SCAF4: variants seen among roughly 807,000 people sequenced by gnomAD.
The protein encoded by SCAF4 is SR-related and CTD-associated factor 4.
Under a neutral mutation model 129.8 loss-of-function variants are expected in SCAF4, and 25 were observed. That is an observed-to-expected ratio of 0.19 (90% CI 0.14 to 0.27). SCAF4 has a LOEUF of 0.27. SCAF4 is among the 10% of genes least tolerant of loss of function. The pLI is 1.00. For missense variants in SCAF4, 1,246 were observed against 1,457.1 expected, an observed-to-expected ratio of 0.86 and a Z score of 2.36; for synonymous variants, 551 against 497.7, an observed-to-expected ratio of 1.11 and a Z score of -1.43.
chr21:31,719,219 G>A (rs2051011506), intron 1 of SCAF4, among the ~76,000 whole-genome samples: 1 of 152,076 alleles, frequency 6.6e-6, no homozygotes, highest in African/African-American at 2.4e-5. Flanking sequence ...GAACCCTAGA[G>A]GTGGAGATTG....
rs2098106647 is a variant in SCAF4 at position 31,694,931 on chromosome 21, G to T, written c.1118C>A (p.Thr373Lys). 6.2e-7 allele frequency: 1 copy of T among 1,614,070 alleles called. No individual in the cohort carries two copies. The highest frequency in any genetic ancestry group is 8.5e-7 in the Non-Finnish European group (1 of 1,179,912). Reference sequence around the variant, plus strand: ...CTGAGCCATGGGAGGAAATGGAGGTGTAGGAAGAAGTCCAAATCCTGGCAT... The same window carrying T: ...CTGAGCCATGGGAGGAAATGGAGGTTTAGGAAGAAGTCCAAATCCTGGCAT... Reference protein sequence around the residue: ...GQMPGFGLLPTPPFPPMAQPV... With the variant: ...GQMPGFGLLPKPPFPPMAQPV... The change falls in exon 10 of 20, where the codon ACA becomes AAA. Residue 373 changes from threonine (T) to lysine (K), a missense_variant. Around this residue, in one of 6 missense-constraint regions of SCAF4, gnomAD observed 236 missense variants for 210.0 expected, o/e 1.12. Coordinates refer to ENST00000286835, the MANE Select transcript of SCAF4 (RefSeq NM_020706.2).
chr21:31,672,228 C>T lies in SCAF4; in HGVS notation c.2615G>A (p.Arg872Gln), dbSNP rs1027810598. 12 of 1,610,842 alleles carry T rather than the reference C, an allele frequency of 7.4e-6. 1 individual carries two copies. Among genetic ancestry groups the T allele is most frequent in the African/African-American group, 4.0e-5 (3 of 74,732 alleles). The change falls in exon 20 of 20, where the codon CGG becomes CAG. Residue 872 changes from arginine (R) to glutamine (Q), a missense_variant. Around this residue, in one of 6 missense-constraint regions of SCAF4, gnomAD observed 468 missense variants for 605.5 expected, o/e 0.77. Coordinates refer to ENST00000286835, the MANE Select transcript of SCAF4 (RefSeq NM_020706.2). Reference sequence around the variant, plus strand: ...GGGACGGGGCGGCATCAAAGGGAACCGCTGTAAGTGAGGTGGGGGCATTCC... The same window carrying T: ...GGGACGGGGCGGCATCAAAGGGAACTGCTGTAAGTGAGGTGGGGGCATTCC... ...PPGMPPPHLQ[R>Q]FPLMPPRPMP... is the part of the protein sequence containing the mutation.
In SCAF4 at chr21:31,671,676, T is replaced by C. The variant is rs754014862; in HGVS notation, c.3167A>G (p.His1056Arg). 2.5e-6 allele frequency: 4 copies of C among 1,614,034 alleles called. No individual in the cohort carries two copies. The highest frequency in any genetic ancestry group is 3.4e-6 in the Non-Finnish European group (4 of 1,179,884). The change falls in exon 20 of 20, where the codon CAT (histidine) becomes CGT (arginine). Residue 1056 changes from histidine to arginine, a missense_variant. By Grantham distance (29) the His-to-Arg change is conservative. Around this residue, in one of 6 missense-constraint regions of SCAF4, gnomAD observed 339 missense variants for 325.0 expected, o/e 1.04. Coordinates refer to ENST00000286835, the MANE Select transcript of SCAF4 (RefSeq NM_020706.2). ...TCTAGAATCTCTCTCTCTGTCTCGA[T>C]GCCCACTAGAGCGTCTATTTCTCTC... is the stretch of plus-strand genomic sequence containing the variant. ...LEERNRRSSG[H>R]RDRERDSRDR...
At chr21:31,700,182 TCACACACACA>T (rs71193138) in intron 7 of SCAF4, among the ~76,000 whole-genome samples, 6 of 148,422 alleles carry the variant, frequency 4.0e-5, no homozygotes, top group Non-Finnish European at 7.4e-5. Flanking sequence ...ACACACACAC[TCACACACACA>T]CACACAAATA....
At chr21:31,687,387 C>A (rs577292488) in intron 16 of SCAF4, among the ~76,000 whole-genome samples, 1 of 152,076 alleles carries the variant, frequency 6.6e-6, no homozygotes, top group Non-Finnish European at 1.5e-5. Context: ...GGAATTTGCA[C>A]ATTTACAAAT....
chr21:31,705,705 T>G (rs1042222347), intron 2 of SCAF4, among the ~76,000 whole-genome samples: 1 of 152,096 alleles, frequency 6.6e-6, no homozygotes, highest in African/African-American at 2.4e-5. Context: ...TTTAAATCAA[T>G]AAACCTTCAT....
chr21:31,731,046 T>C (rs1431406020), intron 1 of SCAF4, among the ~76,000 whole-genome samples: 1 of 152,198 alleles, frequency 6.6e-6, no homozygotes, highest in Non-Finnish European at 1.5e-5. Flanking sequence ...GACTTTAAAT[T>C]ATAACGAGCC....
intron 1 of SCAF4, among the ~76,000 whole-genome samples, chr21:31,727,555 G>GTGACAGAGCGGGTCTCCACCTT (rs2051236692): frequency 6.6e-6 from 1 of 152,142 alleles, no homozygotes; most frequent in Admixed American, 6.5e-5. Context: ...AGCACTTTGG[G>GTGACAGAGCGGGTCTCCACCTT]AGGCCAGGAG....
intron 1 of SCAF4, among the ~76,000 whole-genome samples, chr21:31,713,206 G>A (rs1011974941): frequency 1.3e-5 from 2 of 152,182 alleles, no homozygotes; most frequent in African/African-American, 4.8e-5. Flanking sequence ...TCTCTCAAGA[G>A]AAGTATATAA....
At chr21:31,698,455 G>C (rs2050440476) in intron 7 of SCAF4, among the ~76,000 whole-genome samples, 1 of 152,098 alleles carries the variant, frequency 6.6e-6, no homozygotes. Flanking sequence ...CACTGACATA[G>C]AAATGTACAG....
intron 19 of SCAF4, among the ~76,000 whole-genome samples, chr21:31,676,248 C>T (rs1568821451): frequency 6.6e-6 from 1 of 152,164 alleles, no homozygotes; most frequent in Non-Finnish European, 1.5e-5. Context: ...GATGTTTGAT[C>T]ACTAATAAAG....
At chr21:31,707,066 A>AT (rs1023545325) in intron 1 of SCAF4, among the ~76,000 whole-genome samples, 15 of 152,146 alleles carry the variant, frequency 9.9e-5, no homozygotes, top group Admixed American at 2.0e-4. Flanking sequence ...TGTTTACTTT[A>AT]TTTTTTGGTA....
intron 3 of SCAF4, 105 bp from the exon 4 acceptor site, chr21:31,704,031 C>T (rs1452162891): frequency 6.1e-6 from 4 of 654,144 alleles, no homozygotes; most frequent in African/African-American, 1.8e-5. Context: ...CCAATGATTG[C>T]TTTTGTTTAA....
intron 1 of SCAF4, among the ~76,000 whole-genome samples, chr21:31,720,047 T>C (rs966664530): frequency 2.0e-5 from 3 of 152,244 alleles, no homozygotes; most frequent in Non-Finnish European, 4.4e-5. Context: ...GTTTTATCCA[T>C]GCCAGTGCTC....
At chr21:31,718,540 CCAGT>C (rs1291572813) in intron 1 of SCAF4, among the ~76,000 whole-genome samples, 1 of 152,158 alleles carries the variant, frequency 6.6e-6, no homozygotes, top group African/African-American at 2.4e-5. Flanking sequence ...AAGGGATTTG[CCAGT>C]CTCAGCCTCC....
At chr21:31,689,328 T>A (rs1235962497) in intron 15 of SCAF4, among the ~76,000 whole-genome samples, 4 of 151,578 alleles carry the variant, frequency 2.6e-5, no homozygotes, top group Admixed American at 2.6e-4. Context: ...GACAGAGTCT[T>A]GCTCTGTCTC....
chr21:31,712,792 A>G, intron 1 of SCAF4: 1 of 609,292 alleles, frequency 1.6e-6, no homozygotes, highest in Non-Finnish European at 2.1e-6. Flanking sequence ...GGCCTCCCAA[A>G]GTGCTGGGAT....
chr21:31,698,226 G>T (rs973132448), intron 7 of SCAF4, among the ~76,000 whole-genome samples: 5 of 152,174 alleles, frequency 3.3e-5, no homozygotes, highest in Non-Finnish European at 7.4e-5. Flanking sequence ...GGAAACTGAA[G>T]ATCTATAAAG....
At chr21:31,688,600 ATTAT>A (rs2050185999) in intron 15 of SCAF4, 136 bp from the exon 16 acceptor site, 1 of 690,846 alleles carries the variant, frequency 1.4e-6, no homozygotes, top group African/African-American at 1.8e-5. Context: ...AGAAATAGTA[ATTAT>A]TTAAATTAAC....
Sources: allele counts gnomAD v4.1 joint callset (sites outside exome capture counted in the v4.1 genomes callset), GRCh38; gene constraint gnomAD v4.1.1; regional missense constraint gnomAD v4.1.1; transcripts MANE v1.5; gene names NCBI Gene and HGNC (gene_info 2026-07-23, HGNC 2026-07-21).